Variants in SMAP2 observed in about 807,000 individuals in gnomAD.
SMAP2 encodes the protein stromal membrane-associated protein 2.
Under a neutral mutation model 56.4 loss-of-function variants are expected in SMAP2, and 25 were observed. That is an observed-to-expected ratio of 0.44 (90% CI 0.32 to 0.62). SMAP2 has a LOEUF of 0.62. Ranked by LOEUF, SMAP2 falls within the 20% of genes least tolerant of loss-of-function variation. The probability of loss-of-function intolerance (pLI) is 0.04; values close to 1 mark genes in which losing one functional copy is unlikely to be tolerated. For missense variants in SMAP2, 388 were observed against 545.6 expected (o/e 0.71, Z 2.88); for synonymous variants, 157 against 181.7 (o/e 0.86, Z 1.09).
chr1:40,355,160 A>G (rs1290393348), intron 1 of SMAP2, among the ~76,000 whole-genome samples: 1 of 152,096 alleles, frequency 6.6e-6, no homozygotes, highest in Non-Finnish European at 1.5e-5. Context: ...GGTTTTTGCC[A>G]TTAAAATTAA....
chr1:40,357,568 G>A (rs399985), intron 1 of SMAP2, among the ~76,000 whole-genome samples: 3 of 152,014 alleles, frequency 2.0e-5, no homozygotes, highest in Non-Finnish European at 4.4e-5. Context: ...TGAAGTCTTA[G>A]ATTTAAGTCT....
chr1:40,393,505 G>A (rs1355548852), intron 1 of SMAP2: 2 of 1,404,014 alleles, frequency 1.4e-6, no homozygotes, highest in African/African-American at 2.9e-5. Context: ...GTGAGAGACT[G>A]TAAGTTGATC....
intron 1 of SMAP2, among the ~76,000 whole-genome samples, chr1:40,352,417 C>T (rs1033002145): frequency 1.3e-5 from 2 of 152,176 alleles, no homozygotes; most frequent in Admixed American, 6.6e-5. Flanking sequence ...TAATGTTCTC[C>T]TCCTTGATTG....
chr1:40,383,053 T>C (rs1241499680), intron 1 of SMAP2, among the ~76,000 whole-genome samples: 1 of 152,194 alleles, frequency 6.6e-6, no homozygotes, highest in Non-Finnish European at 1.5e-5. Context: ...AAGCCACTGT[T>C]GGTCTTATAA....
At chr1:40,358,418 T>C (rs1442986009) in intron 1 of SMAP2, among the ~76,000 whole-genome samples, 1 of 151,978 alleles carries the variant, frequency 6.6e-6, no homozygotes, top group Non-Finnish European at 1.5e-5. Context: ...GTGGTGGACA[T>C]GTGTAATCCC....
At chr1:40,351,727 C>T (rs905486526) in intron 1 of SMAP2, among the ~76,000 whole-genome samples, 2 of 152,098 alleles carry the variant, frequency 1.3e-5, no homozygotes, top group Non-Finnish European at 2.9e-5. Context: ...GTCTCGAACT[C>T]CTAACCTCAG....
chr1:40,346,435 T>G (rs924518094), intron 1 of SMAP2, among the ~76,000 whole-genome samples: 1 of 152,010 alleles, frequency 6.6e-6, no homozygotes, highest in African/African-American at 2.4e-5. Flanking sequence ...AGTGGCATGA[T>G]GACAGCTCAC....
Position 40,373,957 on chromosome 1 carries a change from C to T in SMAP2, c.-164C>T, listed in dbSNP as rs1441679418. ...GGGCTGCGGAGTGGGGGACGGACGCCCCCGACCCGGGAAGGGGCGTCCGGC... is the reference window on the plus strand; with the variant it reads ...GGGCTGCGGAGTGGGGGACGGACGCTCCCGACCCGGGAAGGGGCGTCCGGC... On this transcript the variant is annotated 5_prime_UTR_variant, in exon 1 of 10. Coordinates refer to ENST00000372718, the MANE Select transcript of SMAP2 (RefSeq NM_022733.3). 4 of 584,176 alleles carry T rather than the reference C, an allele frequency of 6.8e-6. No individual in the cohort carries two copies. The highest frequency in any genetic ancestry group is 1.2e-5 in the Non-Finnish European group (4 of 325,988). 36.2% of individuals were successfully genotyped at this position (584,176 alleles called of 1,614,324 possible).
chr1:40,393,609 A>G (rs1181524258), intron 1 of SMAP2: 2 of 1,121,716 alleles, frequency 1.8e-6, no homozygotes, highest in Admixed American at 2.7e-5. Context: ...ACAGTGGCTC[A>G]ATCTTGGCTC....
intron 1 of SMAP2, among the ~76,000 whole-genome samples, chr1:40,376,189 G>A (rs1331752956): frequency 6.6e-6 from 1 of 152,138 alleles, no homozygotes; most frequent in Non-Finnish European, 1.5e-5. Flanking sequence ...GACCTCAGGT[G>A]ATCCACCCGC....
rs564778906 is a variant in SMAP2, at chr1:40,417,106, C to G, written c.1164+10C>G. 1.9e-6 allele frequency: 3 copies of G among 1,585,234 alleles called. No homozygotes were observed. In the African/African-American group the frequency reaches 4.0e-5, roughly 21 times the overall value. ...ATGGAACCTTACTCAGGTAAGCTAC[C>G]CCATTTTACTTGCAGCAAGAGTTTT... On this transcript the variant is annotated intron_variant, in intron 9 of 9. Coordinates refer to ENST00000372718, the MANE Select transcript of SMAP2 (RefSeq NM_022733.3).
rs1644520613 is a variant in SMAP2 at position 40,374,352 on chromosome 1, T to G, written c.103+129T>G. 1 of 797,044 alleles carries G rather than the reference T, an allele frequency of 1.3e-6. No individual in the cohort carries two copies. The highest frequency in any genetic ancestry group is 2.1e-6 in the Non-Finnish European group (1 of 470,770). 49.4% of individuals were successfully genotyped at this position (797,044 alleles called of 1,614,324 possible). A position where few individuals can be genotyped will look rare whatever the true frequency, so the allele number is the denominator to read the frequency against. On this transcript the variant is annotated intron_variant, in intron 1 of 9. Coordinates refer to ENST00000372718, the MANE Select transcript of SMAP2 (RefSeq NM_022733.3). This position sits in a 1 kb window ranked among gnomAD's most constrained non-coding sequence, Gnocchi z 5.9. The stretch of plus-strand genomic sequence containing the variant: ...TTATAAGTGGTAACGCGTGCTGCGC[T>G]TGCAGTGAGCCTACTGGGCTTTCTG...
intron 1 of SMAP2, among the ~76,000 whole-genome samples, chr1:40,360,890 G>A (rs778764207): frequency 7.2e-5 from 11 of 152,206 alleles, no homozygotes; most frequent in Non-Finnish European, 1.5e-4. Flanking sequence ...GTGCTCTGGA[G>A]TTCTAAGTAA....
chr1:40,345,577 T>C (rs1258611793), intron 1 of SMAP2, among the ~76,000 whole-genome samples: 1 of 151,918 alleles, frequency 6.6e-6, no homozygotes. Flanking sequence ...TCCTCCTACC[T>C]CAGCCTCCCA....
intron 1 of SMAP2, among the ~76,000 whole-genome samples, chr1:40,351,102 CTT>C (rs1336956476): frequency 1.3e-5 from 2 of 152,192 alleles, no homozygotes; most frequent in African/African-American, 2.4e-5. Context: ...AGAATCCTCT[CTT>C]GTTCCATTTT....
At position 40,411,329 on chromosome 1, in the gene SMAP2, G is replaced by T. The variant is rs189613071; in HGVS notation, c.402+1494G>T. Among the ~76,000 whole-genome samples the T allele has an allele frequency of 2.0e-5, 3 of 152,326 alleles. No individual in the cohort carries two copies. The East Asian group carries it at 5.8e-4, about 29-fold the overall frequency. On this transcript the variant is annotated intron_variant, in intron 4 of 9. Coordinates refer to ENST00000372718, the MANE Select transcript of SMAP2 (RefSeq NM_022733.3). ...GCATACACATTTCGTTTTATTTGTA[G>T]AAAACTGTGGTCTGTCTGCCCAGCT...
At chr1:40,355,794 G>T (rs1350771458) in intron 1 of SMAP2, among the ~76,000 whole-genome samples, 1 of 152,050 alleles carries the variant, frequency 6.6e-6, no homozygotes, top group African/African-American at 2.4e-5. Context: ...ATTTTTTGTA[G>T]AGACGAGGTC....
chr1:40,401,274 A>G (rs1644831906), intron 1 of SMAP2, among the ~76,000 whole-genome samples: 1 of 152,166 alleles, frequency 6.6e-6, no homozygotes, highest in Admixed American at 6.5e-5. Flanking sequence ...AAACAAACAA[A>G]CACACACAAA....
At chr1:40,403,169 G>GGTTCT (rs1200241250) in intron 1 of SMAP2, among the ~76,000 whole-genome samples, 1 of 152,166 alleles carries the variant, frequency 6.6e-6, no homozygotes, top group Non-Finnish European at 1.5e-5. Flanking sequence ...AGTTCATTTT[G>GGTTCT]GTTCTGATAT....
Sources: gnomAD v4.1 joint callset for allele counts (sites outside exome capture counted in the v4.1 genomes callset) on GRCh38, gnomAD v4.1.1 for gene constraint, Gnocchi (gnomAD v3.1) non-coding constraint, MANE v1.5 for transcripts, NCBI Gene and HGNC (gene_info 2026-07-23, HGNC 2026-07-21) for gene names.